The following ASIC2 variants were observed in gnomAD, a reference collection of about 807,000 sequenced individuals.
The protein encoded by ASIC2 is acid-sensing ion channel 2.
A neutral mutation model predicts 57.3 loss-of-function variants in ASIC2; 25 were observed. That is an observed-to-expected ratio of 0.44 (90% CI 0.32 to 0.61). The LOEUF (loss-of-function observed/expected upper bound fraction) is 0.61, where lower values mean the gene tolerates loss of function less well. Among genes scored for constraint, ASIC2 ranks in the 20% least tolerant of loss-of-function variants. The pLI is 0.06. For synonymous variants in ASIC2, 319 were observed against 307.5 expected (o/e 1.04, Z -0.39); for missense variants, 641 against 738.1 (o/e 0.87, Z 1.52).
At chr17:33,755,667 T>C (rs1361329774) in intron 1 of ASIC2, among the ~76,000 whole-genome samples, 1 of 152,198 alleles carries the variant, frequency 6.6e-6, no homozygotes, top group Non-Finnish European at 1.5e-5. Context: ...GGGAAATTAG[T>C]TCTTGGTCTT....
At chr17:33,418,077 T>TGTGTGC (rs1567854602) in intron 1 of ASIC2, among the ~76,000 whole-genome samples, 1 of 151,064 alleles carries the variant, frequency 6.6e-6, no homozygotes, top group African/African-American at 2.4e-5. Flanking sequence ...TGTGTGTGTG[T>TGTGTGC]GCAGCCATGC....
chr17:33,446,458 C>A (rs143225789), intron 1 of ASIC2, among the ~76,000 whole-genome samples: 91 of 152,186 alleles, frequency 6.0e-4, no homozygotes, highest in African/African-American at 1.7e-3. Flanking sequence ...GAGAGAAGGT[C>A]ACTGGCCGGC....
chr17:33,476,697 G>A (rs4794953), intron 1 of ASIC2, among the ~76,000 whole-genome samples: 41,244 of 151,460 alleles, frequency 0.27, 5,719 homozygotes, highest in South Asian at 0.32. Context: ...CTACCCTCAG[G>A]GACAAATCGT....
chr17:33,141,658 G>A (rs898000331), intron 1 of ASIC2, among the ~76,000 whole-genome samples: 1 of 152,188 alleles, frequency 6.6e-6, no homozygotes, highest in Non-Finnish European at 1.5e-5. Flanking sequence ...AGAAGAAGGG[G>A]TTCCTAGAGG....
chr17:33,157,859 T>TC (rs925220417), intron 1 of ASIC2, among the ~76,000 whole-genome samples: 76 of 152,356 alleles, frequency 5.0e-4, no homozygotes, highest in African/African-American at 1.7e-3. Context: ...CCATGGCCTG[T>TC]ACTGCCCTGC....
At chr17:33,306,281 T>A (rs895163422) in intron 1 of ASIC2, among the ~76,000 whole-genome samples, 17 of 152,200 alleles carry the variant, frequency 1.1e-4, no homozygotes, top group African/African-American at 3.6e-4. Flanking sequence ...ACAGAGGATG[T>A]CAGAAGCTAA....
chr17:33,864,772 G>A (rs1232504487), intron 1 of ASIC2, among the ~76,000 whole-genome samples: 2 of 152,148 alleles, frequency 1.3e-5, no homozygotes, highest in Non-Finnish European at 2.9e-5. Flanking sequence ...TTACAATGCA[G>A]AGGCATAGTC....
chr17:33,708,708 C>T (rs917066795), intron 1 of ASIC2, among the ~76,000 whole-genome samples: 6 of 152,154 alleles, frequency 3.9e-5, no homozygotes, highest in East Asian at 1.9e-4. Flanking sequence ...CCCACTCCAA[C>T]GTCACCACTC....
intron 1 of ASIC2, among the ~76,000 whole-genome samples, chr17:33,675,015 C>A (rs933203921): frequency 2.0e-5 from 3 of 152,134 alleles, no homozygotes; most frequent in African/African-American, 4.8e-5. Flanking sequence ...CAAAGGTGGG[C>A]ACTTTGCAAG....
chr17:33,345,557 A>G (rs1366592762), intron 1 of ASIC2, among the ~76,000 whole-genome samples: 3 of 152,216 alleles, frequency 2.0e-5, no homozygotes. Context: ...GGGTGGTCAG[A>G]CCAGGAGAAG....
chr17:33,371,766 T>C (rs1909075448), intron 1 of ASIC2, among the ~76,000 whole-genome samples: 1 of 152,130 alleles, frequency 6.6e-6, no homozygotes, highest in Admixed American at 6.5e-5. Context: ...GTGTGCTTCC[T>C]CTTTGTGTGA....
chr17:33,473,689 G>A (rs141542269), intron 1 of ASIC2, among the ~76,000 whole-genome samples: 126 of 152,238 alleles, frequency 8.3e-4, no homozygotes, highest in Non-Finnish European at 1.6e-3. Context: ...TGATGTTCTG[G>A]ACATGAATGA....
At chr17:33,490,421 C>T (rs183464254) in intron 1 of ASIC2, among the ~76,000 whole-genome samples, 29 of 152,324 alleles carry the variant, frequency 1.9e-4, no homozygotes, top group East Asian at 1.9e-4. Flanking sequence ...TGAAGATTGA[C>T]GTGGTTTGGC....
chr17:33,370,292 G>A (rs1461806257), intron 1 of ASIC2, among the ~76,000 whole-genome samples: 1 of 152,170 alleles, frequency 6.6e-6, no homozygotes, highest in Non-Finnish European at 1.5e-5. Flanking sequence ...TGACTTTTCT[G>A]ATCAAAGAAC....
intron 1 of ASIC2, among the ~76,000 whole-genome samples, chr17:33,689,605 GA>G (rs967869821): frequency 0.045 from 1 of 22 alleles, no homozygotes; most frequent in Non-Finnish European, 0.062. Flanking sequence ...ATTAGATTGA[GA>G]TGATTCCCCC....
chr17:33,920,066 C>G (rs557923731), intron 1 of ASIC2, among the ~76,000 whole-genome samples: 2 of 152,286 alleles, frequency 1.3e-5, no homozygotes, highest in South Asian at 4.1e-4. Context: ...TTATACACTG[C>G]TGGTGGGAAT....
At chr17:34,055,895 GAATT>G (rs1908748984) in intron 1 of ASIC2, among the ~76,000 whole-genome samples, 1 of 152,168 alleles carries the variant, frequency 6.6e-6, no homozygotes, top group Non-Finnish European at 1.5e-5. Context: ...CCTAGGAGTA[GAATT>G]AATTTACACG....
chr17:33,160,370 T>TA (rs1905129802), intron 1 of ASIC2, among the ~76,000 whole-genome samples: 1 of 152,220 alleles, frequency 6.6e-6, no homozygotes. Flanking sequence ...CTCAGAGTTG[T>TA]AGAAACTCTG....
chr17:33,297,436 A>G (rs115154195), upstream of ASIC2, among the ~76,000 whole-genome samples: 1,645 of 152,256 alleles, frequency 0.011, 32 homozygotes, highest in African/African-American at 0.038. Context: ...TGAAACAGCA[A>G]TGATGGGTTC....
Sources: allele counts gnomAD v4.1 joint callset (sites outside exome capture counted in the v4.1 genomes callset), GRCh38; gene constraint gnomAD v4.1.1; transcripts MANE v1.5; gene names NCBI Gene and HGNC (gene_info 2026-07-23, HGNC 2026-07-21).